Variants in JCAD observed in about 807,000 individuals in gnomAD.
JCAD encodes the protein junctional cadherin 5 associated, also known as junctional cadherin 5-associated protein.
A neutral mutation model predicts 98.0 loss-of-function variants in JCAD; 40 were observed. The ratio of observed to expected loss-of-function variants is 0.41; its 90% CI spans 0.32 to 0.53. The LOEUF (loss-of-function observed/expected upper bound fraction) is 0.53, where lower values mean the gene tolerates loss of function less well. Ranked by LOEUF, JCAD falls within the 20% of genes least tolerant of loss-of-function variation. The pLI is 0.31. For missense variants in JCAD, 1,705 were observed against 1,738.1 expected, an observed-to-expected ratio of 0.98 and a Z score of 0.34; for synonymous variants, 691 against 682.3, an observed-to-expected ratio of 1.01 and a Z score of -0.20.
At chr10:30,090,284 G>A in intron 1 of JCAD, among the ~76,000 whole-genome samples, 1 of 152,242 alleles carries the variant, frequency 6.6e-6, no homozygotes, top group East Asian at 1.9e-4. Context: ...GCTCACGCCT[G>A]TAATCCCAAC....
intron 1 of JCAD, among the ~76,000 whole-genome samples, chr10:30,052,166 G>A (rs2132649400): frequency 6.6e-6 from 1 of 152,342 alleles, no homozygotes; most frequent in East Asian, 1.9e-4. Flanking sequence ...CACTGACATT[G>A]GGCATGGGGC....
intron 1 of JCAD, among the ~76,000 whole-genome samples, chr10:30,090,608 C>T (rs1301660723): frequency 6.6e-6 from 1 of 151,818 alleles, no homozygotes; most frequent in East Asian, 1.9e-4. Context: ...AAAATGTGAA[C>T]ATTCGACTTC....
In JCAD at chr10:30,015,428, C is replaced by A. The variant is rs1836513630; in HGVS notation, c.*2455G>T. The A allele has an allele frequency of 6.6e-6, 1 of 152,128 alleles. No individual in the cohort carries two copies. The highest frequency in any genetic ancestry group is 2.4e-5 in the African/African-American group (1 of 41,428). The allele number at this position is 152,128 out of a possible 1,614,324, so 9.4% of individuals were successfully genotyped here. A position where few individuals can be genotyped will look rare whatever the true frequency, so the allele number is the denominator to read the frequency against. ...CCTTAGAATATGAAAGTTTAAAGGT[C>A]AAATTTTCAAGTTAAACTTTTCAAG... On this transcript the variant is annotated 3_prime_UTR_variant, in exon 4 of 4. Coordinates refer to ENST00000375377, the MANE Select transcript of JCAD (RefSeq NM_020848.4).
At chr10:30,056,563 T>C (rs1274486432) in intron 1 of JCAD, among the ~76,000 whole-genome samples, 1 of 152,118 alleles carries the variant, frequency 6.6e-6, no homozygotes, top group East Asian at 1.9e-4. Context: ...TTGGTGCTTC[T>C]TCCTAATAGT....
chr10:30,111,068 A>G (rs989789629), intron 1 of JCAD, among the ~76,000 whole-genome samples: 1 of 151,774 alleles, frequency 6.6e-6, no homozygotes, highest in Non-Finnish European at 1.5e-5. Context: ...ATGGGTGAAC[A>G]TGCTGATGTA....
At chr10:30,057,191 T>G (rs776559485) in intron 1 of JCAD, among the ~76,000 whole-genome samples, 14 of 152,196 alleles carry the variant, frequency 9.2e-5, no homozygotes, top group Non-Finnish European at 1.8e-4. Flanking sequence ...GCATGGAGTT[T>G]CGCCAAGCTC....
upstream of JCAD, among the ~76,000 whole-genome samples, chr10:30,059,857 AACAC>A (rs770961823): frequency 6.6e-6 from 1 of 152,074 alleles, no homozygotes; most frequent in Non-Finnish European, 1.5e-5. This position sits in a 1 kb window ranked among gnomAD's most constrained non-coding sequence, Gnocchi z 5.0. Flanking sequence ...ATATCACACA[AACAC>A]ACAAAGATGT....
At chr10:30,020,819 G>A (rs1415476124) in intron 3 of JCAD, among the ~76,000 whole-genome samples, 1 of 152,218 alleles carries the variant, frequency 6.6e-6, no homozygotes, top group Non-Finnish European at 1.5e-5. Flanking sequence ...TTGAGAATAA[G>A]GTGTGCGGTC....
At chr10:30,056,733 T>C (rs1034401370) in intron 1 of JCAD, among the ~76,000 whole-genome samples, 2 of 152,192 alleles carry the variant, frequency 1.3e-5, no homozygotes, top group Non-Finnish European at 2.9e-5. Context: ...CTATAGAAAG[T>C]TGTTGGGAAA....
At chr10:30,031,291 G>A (rs966350233) in intron 2 of JCAD, among the ~76,000 whole-genome samples, 2 of 151,826 alleles carry the variant, frequency 1.3e-5, no homozygotes, top group Non-Finnish European at 2.9e-5. Context: ...ATCATGTCTT[G>A]CTAATTTTTA....
At chr10:30,073,741 C>T (rs1271082037) in intron 1 of JCAD, among the ~76,000 whole-genome samples, 1 of 151,420 alleles carries the variant, frequency 6.6e-6, no homozygotes, top group African/African-American at 2.4e-5. Context: ...TTCCCTCCCT[C>T]CCTCTCTCCC....
intron 2 of JCAD, among the ~76,000 whole-genome samples, chr10:30,045,082 T>G (rs545817163): frequency 9.9e-5 from 15 of 152,280 alleles, no homozygotes; most frequent in South Asian, 8.3e-4. Context: ...GCCACTTATC[T>G]GAGCCCTTCA....
At chr10:30,040,474 G>A (rs1468663811) in intron 2 of JCAD, among the ~76,000 whole-genome samples, 2 of 152,218 alleles carry the variant, frequency 1.3e-5, no homozygotes, top group African/African-American at 2.4e-5. Context: ...TGATAGACAT[G>A]GAGAAAGACC....
intron 3 of JCAD, among the ~76,000 whole-genome samples, chr10:30,024,946 C>T (rs1001203850): frequency 7.2e-5 from 11 of 152,060 alleles, no homozygotes; most frequent in South Asian, 2.1e-4. Flanking sequence ...CCACCCGCCT[C>T]GGCCTCCCAA....
intron 1 of JCAD, among the ~76,000 whole-genome samples, chr10:30,072,423 T>C (rs538669240): frequency 2.6e-4 from 39 of 152,214 alleles, no homozygotes; most frequent in Admixed American, 1.2e-3. Context: ...TCCTGCAGCA[T>C]TTGTATATCC....
At chr10:30,074,033 C>T (rs1423815475) in intron 1 of JCAD, among the ~76,000 whole-genome samples, 1 of 152,008 alleles carries the variant, frequency 6.6e-6, no homozygotes, top group African/African-American at 2.4e-5. Context: ...TGTGTGACAC[C>T]TGTGTGTGAA....
At chr10:30,106,565 A>G (rs1295578234) in intron 1 of JCAD, among the ~76,000 whole-genome samples, 2 of 152,224 alleles carry the variant, frequency 1.3e-5, no homozygotes, top group Non-Finnish European at 2.9e-5. Context: ...CAGTGGCACT[A>G]TCTCGGCTTA....
rs751250639 is a variant in JCAD, at chr10:30,029,076, A to G, written c.1072T>C (p.Leu358=). The change falls in exon 3 of 4, where the codon TTG becomes CTG. Residue 358 remains leucine, a synonymous_variant. Transcript: ENST00000375377. The part of the protein sequence containing the change: ...SPPQNIPNPY[L]EDTVPINVCG... ...ACATTTATGGGCACCGTGTCTTCCA[A>G]GTAGGGGTTTGGGATGTTCTGCGGG... is the stretch of plus-strand genomic sequence containing the variant. 1.9e-6 allele frequency: 3 copies of G among 1,613,822 alleles called. No homozygotes were observed. In the African/African-American group the frequency reaches 4.0e-5, roughly 22 times the overall value.
chr10:30,091,452 A>T (rs73598348), intron 1 of JCAD, among the ~76,000 whole-genome samples: 4,576 of 152,228 alleles, frequency 0.03, 197 homozygotes, highest in African/African-American at 0.1. Context: ...TTAGTTTTTA[A>T]CAAAGTCTTA....
Sources: allele counts gnomAD v4.1 joint callset (sites outside exome capture counted in the v4.1 genomes callset), GRCh38; gene constraint gnomAD v4.1.1; non-coding constraint Gnocchi (gnomAD v3.1); transcripts MANE v1.5; gene names NCBI Gene and HGNC (gene_info 2026-07-23, HGNC 2026-07-21).